RASAL2: variants seen among roughly 807,000 people sequenced by gnomAD.
The protein encoded by RASAL2 is ras GTPase-activating protein nGAP.
RASAL2 carries 58 observed loss-of-function variants against 128.9 expected under a neutral mutation model. The observed-to-expected ratio is 0.45, with a 90% CI of 0.36 to 0.56. The LOEUF is 0.56. RASAL2 is among the 20% of genes least tolerant of loss of function. The pLI, the probability that RASAL2 is intolerant of heterozygous loss-of-function variation, is 0.00. For synonymous variants in RASAL2, 561 were observed against 580.8 expected, an observed-to-expected ratio of 0.97 and a Z score of 0.49; for missense variants, 1,360 against 1,601.6, an observed-to-expected ratio of 0.85 and a Z score of 2.57.
chr1:178,466,614 G>A (rs1378923480), intron 16 of RASAL2, among the ~76,000 whole-genome samples: 1 of 152,156 alleles, frequency 6.6e-6, no homozygotes, highest in African/African-American at 2.4e-5. Flanking sequence ...ATAATAGTTT[G>A]TTTAATCTTT....
At chr1:178,425,089 T>G (rs1675437015) in intron 5 of RASAL2, among the ~76,000 whole-genome samples, 1 of 152,184 alleles carries the variant, frequency 6.6e-6, no homozygotes, top group African/African-American at 2.4e-5. Context: ...AAATTACTTC[T>G]TGTTGAGTGG....
chr1:178,400,039 C>T (rs570576715), intron 4 of RASAL2, among the ~76,000 whole-genome samples: 136 of 152,300 alleles, frequency 8.9e-4, no homozygotes, highest in African/African-American at 3.2e-3. Flanking sequence ...TTCCTTTCCC[C>T]TCTTCTTTCC....
At chr1:178,153,669 A>G (rs1310531320) in intron 1 of RASAL2, among the ~76,000 whole-genome samples, 2 of 152,166 alleles carry the variant, frequency 1.3e-5, no homozygotes, top group Non-Finnish European at 2.9e-5. Context: ...ATTCCATTGT[A>G]TGAATACACC....
At chr1:178,284,526 C>A (rs1383512555) in intron 2 of RASAL2, among the ~76,000 whole-genome samples, 1 of 152,180 alleles carries the variant, frequency 6.6e-6, no homozygotes, top group Non-Finnish European at 1.5e-5. Context: ...GCATCTAGTT[C>A]TAGGTGTACT....
intron 4 of RASAL2, among the ~76,000 whole-genome samples, chr1:178,404,722 C>A (rs1302608240): frequency 6.7e-6 from 1 of 148,598 alleles, no homozygotes; most frequent in Non-Finnish European, 1.5e-5. Context: ...CGCTCTGTCG[C>A]CCAGGCTGGA....
intron 3 of RASAL2, among the ~76,000 whole-genome samples, chr1:178,305,583 AAT>A (rs1247923169): frequency 8.5e-5 from 13 of 152,150 alleles, no homozygotes; most frequent in African/African-American, 3.1e-4. Context: ...CAGCTACAGG[AAT>A]GAAGTTACTA....
rs560398859 is a variant in RASAL2, at chr1:178,141,200, T to C, written c.202+46506T>C. ...CCACTTTTCTTTTCTTTTCTTTTTT[T>C]TTTTTTTTTTTTTTTTTTGCAGTTG... On this transcript the variant is annotated intron_variant, in intron 1 of 17. Transcript: ENST00000367649. 1.9e-4 allele frequency among the ~76,000 whole-genome samples: 24 copies of C among 127,200 alleles called. No individual in the cohort carries two copies. In the Middle Eastern group the frequency reaches 0.012, roughly 62 times the overall value. The allele number at this position is 127,200 out of a possible 152,430, so 83.4% of individuals were successfully genotyped here.
rs776667393 is a variant in RASAL2, at chr1:178,454,438, CTACTTCAGGTTTGG to C, written c.2010-6_2017del. On this transcript the variant is annotated splice_acceptor_variant and splice_polypyrimidine_tract_variant and coding_sequence_variant and intron_variant, in exon 12 of 18. Coordinates refer to ENST00000367649, the MANE Select transcript of RASAL2 (RefSeq NM_170692.4). LOFTEE classifies it high-confidence loss of function. Reference sequence around the variant, plus strand: ...ATGTTCTTTCTCATTTTCTCATCCTCTACTTCAGGTTTGGTAACAAAGAGGAATACATGGCATTC... The same window carrying C: ...ATGTTCTTTCTCATTTTCTCATCCTCTAACAAAGAGGAATACATGGCATTC... The C allele has an allele frequency of 3.1e-6, 5 of 1,588,442 alleles. No homozygotes were observed. The highest frequency in any genetic ancestry group is 4.3e-6 in the Non-Finnish European group (5 of 1,157,136).
chr1:178,302,137 ATTG>A, intron 3 of RASAL2, among the ~76,000 whole-genome samples: 1 of 152,226 alleles, frequency 6.6e-6, no homozygotes, highest in South Asian at 2.1e-4. Context: ...CTGTTTTTTT[ATTG>A]TTATCTCCAA....
At chr1:178,255,180 T>C (rs533975333) in intron 1 of RASAL2, among the ~76,000 whole-genome samples, 68 of 152,120 alleles carry the variant, frequency 4.5e-4, no homozygotes, top group African/African-American at 1.5e-3. Flanking sequence ...CCAGCAGACT[T>C]GCCGTAGAGG....
At chr1:178,437,932 A>G (rs1191754734) in intron 5 of RASAL2, among the ~76,000 whole-genome samples, 2 of 151,858 alleles carry the variant, frequency 1.3e-5, no homozygotes, top group Non-Finnish European at 2.9e-5. Flanking sequence ...TTCTTGCCCA[A>G]TATCAGAAAA....
At chr1:178,231,696 A>T (rs1302949503) in intron 1 of RASAL2, among the ~76,000 whole-genome samples, 2 of 151,976 alleles carry the variant, frequency 1.3e-5, no homozygotes, top group Non-Finnish European at 2.9e-5. Context: ...TTCTCCTCAC[A>T]GATTATTTTT....
intron 1 of RASAL2, among the ~76,000 whole-genome samples, chr1:178,247,550 T>C (rs908818634): frequency 6.6e-6 from 1 of 152,188 alleles, no homozygotes; most frequent in Non-Finnish European, 1.5e-5. Flanking sequence ...TTGAAGAGTT[T>C]TTCGTGTCTC....
At chr1:178,386,607 T>C (rs1672586019) in intron 3 of RASAL2, among the ~76,000 whole-genome samples, 1 of 152,186 alleles carries the variant, frequency 6.6e-6, no homozygotes, top group African/African-American at 2.4e-5. Flanking sequence ...TATAACTCTT[T>C]TTGCCTTTCA....
intron 1 of RASAL2, among the ~76,000 whole-genome samples, chr1:178,262,630 T>G (rs1023050923): frequency 5.9e-5 from 9 of 152,172 alleles, no homozygotes; most frequent in Non-Finnish European, 1.2e-4. Context: ...AATTGAAACC[T>G]GTAGAGAAAT....
intron 1 of RASAL2, among the ~76,000 whole-genome samples, chr1:178,112,917 GAAAAA>G (rs889795203): frequency 6.7e-6 from 1 of 149,846 alleles, no homozygotes; most frequent in Non-Finnish European, 1.5e-5. Context: ...AATAGTAAAA[GAAAAA>G]AAAGAAAAAA....
chr1:178,218,641 G>A (rs992258177), intron 1 of RASAL2, among the ~76,000 whole-genome samples: 2 of 152,188 alleles, frequency 1.3e-5, no homozygotes, highest in African/African-American at 4.8e-5. Context: ...GAGCCAAGAT[G>A]CGCCATTACA....
chr1:178,323,801 A>G (rs1032757127), intron 3 of RASAL2, among the ~76,000 whole-genome samples: 31 of 152,218 alleles, frequency 2.0e-4, no homozygotes, highest in African/African-American at 7.5e-4. Flanking sequence ...TTTTTGCTGC[A>G]TTTCACAAAA....
chr1:178,383,874 T>G (rs1234539872), intron 3 of RASAL2, among the ~76,000 whole-genome samples: 2 of 152,236 alleles, frequency 1.3e-5, no homozygotes, highest in African/African-American at 4.8e-5. Flanking sequence ...GAAAATAGAT[T>G]ATAGTGAAGT....
Sources: gnomAD v4.1 joint callset for allele counts (sites outside exome capture counted in the v4.1 genomes callset) on GRCh38, gnomAD v4.1.1 for gene constraint, MANE v1.5 for transcripts, NCBI Gene and HGNC (gene_info 2026-07-23, HGNC 2026-07-21) for gene names.